Variants in GID4 observed in about 807,000 individuals in gnomAD.
GID4 encodes the protein GID complex subunit 4 homolog.
In GID4, 7 loss-of-function variants were observed where a neutral mutation model predicts 32.4. The ratio of observed to expected loss-of-function variants is 0.22; its 90% CI spans 0.12 to 0.41. The LOEUF is 0.41. GID4 is among the 10% of genes least tolerant of loss of function. The pLI, the probability that GID4 is intolerant of heterozygous loss-of-function variation, is 1.00. For missense variants in GID4, 309 were observed against 400.0 expected, an observed-to-expected ratio of 0.77 and a Z score of 1.94; for synonymous variants, 166 against 170.0, an observed-to-expected ratio of 0.98 and a Z score of 0.18.
At chr17:18,057,603 A>G (rs1017300523) in intron 3 of GID4, 2 of 153,050 alleles carry the variant, frequency 1.3e-5, no homozygotes, top group African/African-American at 4.8e-5. Context: ...AACACCTAAA[A>G]CTAAAATAGC....
intron 2 of GID4, among the ~76,000 whole-genome samples, chr17:18,047,386 TAACGCTGACTCCAA>T (rs1462110811): frequency 2.0e-5 from 3 of 152,254 alleles, no homozygotes; most frequent in Non-Finnish European, 2.9e-5. Flanking sequence ...ATTGGAATGT[TAACGCTGACTCCAA>T]AACCAGTCAT....
intron 4 of GID4, 46 bp downstream of exon 4, chr17:18,059,015 C>A (rs1206334887): frequency 3.7e-6 from 4 of 1,073,826 alleles, no homozygotes; most frequent in Non-Finnish European, 1.4e-6. Flanking sequence ...CAAGCCAGGC[C>A]CTGTATCGCA....
intron 3 of GID4, among the ~76,000 whole-genome samples, chr17:18,056,268 G>A (rs1039030395): frequency 6.6e-6 from 1 of 152,236 alleles, no homozygotes; most frequent in East Asian, 1.9e-4. Context: ...TATACATTTT[G>A]ATTGTTGTAG....
At chr17:18,063,579 T>C (rs1474290768) in intron 5 of GID4, among the ~76,000 whole-genome samples, 1 of 152,218 alleles carries the variant, frequency 6.6e-6, no homozygotes, top group African/African-American at 2.4e-5. Flanking sequence ...CTCTTATGTA[T>C]GTATAGATTT....
In GID4 at chr17:18,039,953, G is replaced by A. The variant is rs915867626; in HGVS notation, c.438+51G>A. ...CGAGGGCCTCCTCGCGGCGCTCACGGGCCGTGCCCGCTTCGGCTCCTCGAC... is the reference window on the plus strand; with the variant it reads ...CGAGGGCCTCCTCGCGGCGCTCACGAGCCGTGCCCGCTTCGGCTCCTCGAC... On this transcript the variant is annotated intron_variant, in intron 1 of 5. Coordinates refer to ENST00000268719, the MANE Select transcript of GID4 (RefSeq NM_024052.5). The surrounding 1 kb of genome is among the most constrained non-coding windows in gnomAD (Gnocchi z 5.3). 5 of 1,303,076 alleles carry A rather than the reference G, an allele frequency of 3.8e-6. No individual in the cohort carries two copies. In the African/African-American group the frequency reaches 6.1e-5, roughly 16 times the overall value. The allele number at this position is 1,303,076 out of a possible 1,614,324, so 80.7% of individuals were successfully genotyped here. A position where few individuals can be genotyped will look rare whatever the true frequency, so the allele number is the denominator to read the frequency against.
intron 1 of GID4, among the ~76,000 whole-genome samples, chr17:18,042,280 A>G (rs769832770): frequency 2.0e-5 from 3 of 152,072 alleles, no homozygotes; most frequent in African/African-American, 4.8e-5. Flanking sequence ...TATTTTCATC[A>G]CCCCAAAAGG....
In GID4 at chr17:18,054,150, C is replaced by T; in HGVS notation, c.522C>T (p.Phe174=). 6.8e-6 allele frequency: 11 copies of T among 1,611,272 alleles called. No homozygotes were observed. The highest frequency in any genetic ancestry group is 7.6e-6 in the Non-Finnish European group (9 of 1,177,602). The part of the protein sequence containing the change: ...LTEEYPTLTT[F]FEGEIISKKH... ...AGGAGTATCCAACCCTTACAACCTT[C>T]TTCGAAGGAGAAATAATCAGCAAAA... The change falls in exon 3 of 6, where the codon TTC becomes TTT. Residue 174 remains phenylalanine, a synonymous_variant. Transcript: ENST00000268719.
At chr17:18,059,266 C>G (rs1274924287) in intron 4 of GID4, among the ~76,000 whole-genome samples, 1 of 152,206 alleles carries the variant, frequency 6.6e-6, no homozygotes, top group Admixed American at 6.5e-5. Flanking sequence ...TTTCCTTTCT[C>G]CCACCCAAGA....
At position 18,065,324 on chromosome 17, in the gene GID4, C is replaced by A; in HGVS notation, c.*81C>A. 1 of 1,008,828 alleles carries A rather than the reference C, an allele frequency of 9.9e-7. No homozygotes were observed. Among genetic ancestry groups the A allele is most frequent in the Non-Finnish European group, 1.6e-6 (1 of 637,864 alleles). The allele number at this position is 1,008,828 out of a possible 1,614,324, so 62.5% of individuals were successfully genotyped here. The stretch of plus-strand genomic sequence containing the variant: ...CGAGAAAATTGTGTACCTGCCAGAA[C>A]CAGGAGAAGTGTGTTCCTGTTTCTT... On this transcript the variant is annotated 3_prime_UTR_variant, in exon 6 of 6. Coordinates refer to ENST00000268719, the MANE Select transcript of GID4 (RefSeq NM_024052.5).
Position 18,061,845 on chromosome 17 carries a change from G to C in GID4, c.709G>C (p.Glu237Gln). 1 of 1,613,984 alleles carries C rather than the reference G, an allele frequency of 6.2e-7. No individual in the cohort carries two copies. Among genetic ancestry groups the C allele is most frequent in the Non-Finnish European group, 8.5e-7 (1 of 1,179,974 alleles). ...ACTGACCCTCTTCATCTGTGTGCAG[G>C]AACAGTTTCTGGTCCCAGATCACAC... The part of the protein sequence containing the change: ...NGDYVFMRWK[E>Q]QFLVPDHTIK... Residue 237 changes from glutamate to glutamine, a missense_variant and splice_region_variant, in exon 5 of 6, where the codon GAA becomes CAA. By Grantham distance (29) the Glu-to-Gln change is conservative. Around this residue, in one of 2 missense-constraint regions of GID4, gnomAD observed 116 missense variants for 214.2 expected, o/e 0.54. Transcript: ENST00000268719. The surrounding 1 kb of genome is among the most constrained non-coding windows in gnomAD (Gnocchi z 4.4).
At chr17:18,040,957 A>G (rs1216228102) in intron 1 of GID4, among the ~76,000 whole-genome samples, 1 of 151,004 alleles carries the variant, frequency 6.6e-6, no homozygotes, top group East Asian at 1.9e-4. Flanking sequence ...CCCACACCTC[A>G]CTCCTCTCAG....
Position 18,067,076 on chromosome 17 carries a change from C to T in GID4, c.*1833C>T, listed in dbSNP as rs1042938609. On this transcript the variant is annotated 3_prime_UTR_variant, in exon 6 of 6. Transcript: ENST00000268719. ...GGCTGTGGTCAAGCCCAGCTGCTGT[C>T]ATGTGAGGAGATGCTCACTGTGGTC... 3 of 152,280 alleles carry T rather than the reference C, an allele frequency of 2.0e-5. No individual in the cohort carries two copies. Among genetic ancestry groups the T allele is most frequent in the African/African-American group, 4.8e-5 (2 of 41,458 alleles). 9.4% of individuals were successfully genotyped at this position (152,280 alleles called of 1,614,324 possible).
intron 3 of GID4, chr17:18,057,109 T>G (rs1255076731): frequency 1.1e-5 from 16 of 1,468,122 alleles, no homozygotes; most frequent in Non-Finnish European, 1.4e-5. Context: ...AAGTCAGGAT[T>G]CCATATATTC....
chr17:18,061,353 G>C lies in GID4; in HGVS notation c.709-492G>C, dbSNP rs941751943. Among the ~76,000 whole-genome samples, 49 of 152,154 alleles carry C rather than the reference G, an allele frequency of 3.2e-4. No homozygotes were observed. Among genetic ancestry groups the C allele is most frequent in the Non-Finnish European group, 2.5e-4 (17 of 68,022 alleles). On this transcript the variant is annotated intron_variant, in intron 4 of 5. Transcript: ENST00000268719. This position sits in a 1 kb window ranked among gnomAD's most constrained non-coding sequence, Gnocchi z 4.4. ...TGACAAGGCGTCAAGCTCTTGGAGGGGGTGTCACAGGGGCTACTGGCAACT... is the reference window on the plus strand; with the variant it reads ...TGACAAGGCGTCAAGCTCTTGGAGGCGGTGTCACAGGGGCTACTGGCAACT...
rs1251493447 is a variant in GID4 at position 18,062,148 on chromosome 17, TC to T, written c.839+176del. 4.7e-5 allele frequency: 29 copies of T among 619,118 alleles called. No homozygotes were observed. In the East Asian group the frequency reaches 8.0e-4, roughly 17 times the overall value. The allele number at this position is 619,118 out of a possible 1,614,324, so 38.4% of individuals were successfully genotyped here. ...CTCAGTTGCTCACAATAAGGCCTTA[TC>T]CCTATGCACAGAGCAGAGTAAATGA... On this transcript the variant is annotated intron_variant, in intron 5 of 5. Transcript: ENST00000268719.
intron 5 of GID4, chr17:18,062,190 T>C (rs1597699649): frequency 1.0e-5 from 5 of 480,400 alleles, no homozygotes; most frequent in East Asian, 9.6e-5. Context: ...AAATGAATTA[T>C]AGGTGAAAGA....
intron 2 of GID4, among the ~76,000 whole-genome samples, chr17:18,047,594 A>C (rs754113752): frequency 2.6e-5 from 4 of 152,220 alleles, no homozygotes; most frequent in African/African-American, 9.7e-5. Flanking sequence ...TGGCCCTTCA[A>C]TGGGGGCTAA....
chr17:18,062,686 T>C (rs1343153211), intron 5 of GID4, among the ~76,000 whole-genome samples: 2 of 152,200 alleles, frequency 1.3e-5, no homozygotes, highest in African/African-American at 4.8e-5. Flanking sequence ...GTAACGAAAT[T>C]ATATCTGCAA....
At chr17:18,054,925 A>T (rs1351113358) in intron 3 of GID4, among the ~76,000 whole-genome samples, 1 of 152,114 alleles carries the variant, frequency 6.6e-6, no homozygotes, top group Admixed American at 6.5e-5. Context: ...TAATCCCAGC[A>T]CTTTGGGAGG....
Sources: allele counts gnomAD v4.1 joint callset (sites outside exome capture counted in the v4.1 genomes callset), GRCh38; gene constraint gnomAD v4.1.1; regional missense constraint gnomAD v4.1.1; non-coding constraint Gnocchi (gnomAD v3.1); transcripts MANE v1.5; gene names NCBI Gene and HGNC (gene_info 2026-07-23, HGNC 2026-07-21).